Variants in TTC7B observed in about 807,000 individuals in gnomAD.
TTC7B encodes the protein tetratricopeptide repeat domain 7B, also known as tetratricopeptide repeat protein 7B.
A neutral mutation model predicts 106.8 loss-of-function variants in TTC7B; 28 were observed. The observed-to-expected ratio is 0.26, with a 90% CI of 0.19 to 0.36. TTC7B has a LOEUF of 0.36. Ranked by LOEUF, TTC7B falls within the 10% of genes least tolerant of loss-of-function variation. The pLI is 1.00. For missense variants in TTC7B, 862 were observed against 1,076.4 expected (o/e 0.80, Z 2.79); for synonymous variants, 405 against 430.6 (o/e 0.94, Z 0.74).
At chr14:90,552,230 C>G (rs1215074388) in intron 19 of TTC7B, among the ~76,000 whole-genome samples, 1 of 152,244 alleles carries the variant, frequency 6.6e-6, no homozygotes, top group African/African-American at 2.4e-5. Context: ...CACGCTGCCA[C>G]TCACTCAGCC....
chr14:90,647,023 C>T lies in TTC7B; in HGVS notation c.1518G>A (p.Arg506=), dbSNP rs529968558. Reference sequence around the variant, plus strand: ...GATCTGTGGGTGACAGGCTGTGGGCCCTGAAAAAGTATTTACGGCTATTAG... The same window carrying T: ...GATCTGTGGGTGACAGGCTGTGGGCTCTGAAAAAGTATTTACGGCTATTAG... ...LQRKALLAFQ[R]AHSLSPTDHQ... The change falls in exon 14 of 20, where the codon AGG becomes AGA. Residue 506 remains arginine (R), a splice_region_variant and synonymous_variant. Transcript: ENST00000328459. 271 of 1,614,016 alleles carry T rather than the reference C, an allele frequency of 1.7e-4. 3 individuals carry two copies. The South Asian group carries it at 2.8e-3, about 16-fold the overall frequency.
intron 19 of TTC7B, among the ~76,000 whole-genome samples, chr14:90,564,527 T>G (rs1479261616): frequency 1.3e-5 from 2 of 152,188 alleles, no homozygotes. Flanking sequence ...CCATTGAAGC[T>G]TTGTAGCCAG....
intron 1 of TTC7B, among the ~76,000 whole-genome samples, chr14:90,810,581 C>A (rs1344639434): frequency 1.3e-5 from 2 of 152,202 alleles, no homozygotes; most frequent in Non-Finnish European, 2.9e-5. Flanking sequence ...AGTGTATTAG[C>A]CCTTCCTTCA....
intron 19 of TTC7B, among the ~76,000 whole-genome samples, chr14:90,556,916 G>A (rs973536395): frequency 1.3e-5 from 2 of 152,114 alleles, no homozygotes; most frequent in Admixed American, 1.3e-4. Flanking sequence ...GCCAGGGAAC[G>A]GGGGGGACAT....
At chr14:90,615,381 G>A (rs1652477994) in intron 16 of TTC7B, among the ~76,000 whole-genome samples, 1 of 152,206 alleles carries the variant, frequency 6.6e-6, no homozygotes, top group Non-Finnish European at 1.5e-5. Context: ...AGAGCAGGGG[G>A]CCCATTACAA....
intron 5 of TTC7B, among the ~76,000 whole-genome samples, chr14:90,718,162 G>T (rs747018406): frequency 6.6e-6 from 1 of 152,214 alleles, no homozygotes; most frequent in South Asian, 2.1e-4. Context: ...TCTTAAAAAA[G>T]TTCAAGTCTG....
In TTC7B at chr14:90,777,861, C is replaced by G. The variant is rs1332118412; in HGVS notation, c.445+2877G>C. Among the ~76,000 whole-genome samples, 3 of 152,256 alleles carry G rather than the reference C, an allele frequency of 2.0e-5. No homozygotes were observed. In the East Asian group the frequency reaches 5.8e-4, roughly 29 times the overall value. ...CCCTCAGGGCCCACCCAACACTCAGCTTCAGCTGACATTTACGTTGCGCTC... is the reference window on the plus strand; with the variant it reads ...CCCTCAGGGCCCACCCAACACTCAGGTTCAGCTGACATTTACGTTGCGCTC... On this transcript the variant is annotated intron_variant, in intron 3 of 19. Coordinates refer to ENST00000328459, the MANE Select transcript of TTC7B (RefSeq NM_001010854.2).
At chr14:90,648,245 T>C (rs1885556611) in intron 13 of TTC7B, 1 of 152,248 alleles carries the variant, frequency 6.6e-6, no homozygotes, top group African/African-American at 2.4e-5. Context: ...TCCAGGGGAC[T>C]CTTCACTTGG....
At chr14:90,677,904 T>C in intron 8 of TTC7B, 1 of 435,920 alleles carries the variant, frequency 2.3e-6, no homozygotes, top group Non-Finnish European at 4.5e-6. Flanking sequence ...GAGTCATCTC[T>C]TACGGAAACA....
rs142032449 is a variant in TTC7B at position 90,777,601 on chromosome 14, C to T, written c.445+3137G>A. 1.2e-4 allele frequency among the ~76,000 whole-genome samples: 19 copies of T among 152,324 alleles called. No individual in the cohort carries two copies. The East Asian group carries it at 2.3e-3, about 19-fold the overall frequency. On this transcript the variant is annotated intron_variant, in intron 3 of 19. Transcript: ENST00000328459. ...TGACAAAGTGTGCAGGTCAATTGCA[C>T]TGCCTAGAGCAGTGTGCACATAGCC... is the stretch of plus-strand genomic sequence containing the variant.
At chr14:90,652,750 A>G in intron 13 of TTC7B, 91 bp downstream of exon 13, 1 of 1,465,572 alleles carries the variant, frequency 6.8e-7, no homozygotes. Flanking sequence ...AACACTGTTT[A>G]CATAATCTTT....
intron 1 of TTC7B, among the ~76,000 whole-genome samples, chr14:90,799,678 T>C (rs2030124632): frequency 6.6e-6 from 1 of 151,968 alleles, no homozygotes; most frequent in Admixed American, 6.6e-5. Context: ...GGAAAGCCCG[T>C]GTGGCTGGGT....
At chr14:90,741,443 C>T (rs943324192) in intron 4 of TTC7B, among the ~76,000 whole-genome samples, 28 of 152,186 alleles carry the variant, frequency 1.8e-4, no homozygotes, top group Admixed American at 1.8e-3. Flanking sequence ...AGTTTCTTCA[C>T]TACAGAATGG....
intron 7 of TTC7B, among the ~76,000 whole-genome samples, chr14:90,683,420 G>A: frequency 6.6e-6 from 1 of 152,032 alleles, no homozygotes; most frequent in East Asian, 1.9e-4. Flanking sequence ...GTCCCACCCC[G>A]ACCCCAAGTC....
intron 9 of TTC7B, chr14:90,676,153 C>T (rs924464556): frequency 7.7e-5 from 13 of 169,408 alleles, no homozygotes; most frequent in Non-Finnish European, 1.0e-4. Flanking sequence ...AGGCCACTGG[C>T]GATTTCACTG....
intron 19 of TTC7B, among the ~76,000 whole-genome samples, chr14:90,556,069 T>A (rs1890291587): frequency 6.6e-6 from 1 of 152,238 alleles, no homozygotes; most frequent in Non-Finnish European, 1.5e-5. Context: ...CGCCGCGTGG[T>A]GCACTGACCT....
intron 19 of TTC7B, among the ~76,000 whole-genome samples, chr14:90,557,557 A>G (rs978559884): frequency 1.3e-5 from 2 of 152,246 alleles, no homozygotes; most frequent in African/African-American, 4.8e-5. Context: ...GGCAGCAGCC[A>G]ACGCAGCCAG....
chr14:90,781,962 CCTT>C (rs1477098129), intron 2 of TTC7B, among the ~76,000 whole-genome samples: 6 of 152,238 alleles, frequency 3.9e-5, no homozygotes, highest in African/African-American at 1.2e-4. Flanking sequence ...TGTGGCCAGA[CCTT>C]CTCCTCAGAG....
chr14:90,698,564 T>C (rs979148658), intron 5 of TTC7B: 3 of 152,324 alleles, frequency 2.0e-5, no homozygotes, highest in Admixed American at 6.5e-5. Context: ...GAATTCATTA[T>C]GGTAAACTAT....
Sources: gnomAD v4.1 joint callset for allele counts (sites outside exome capture counted in the v4.1 genomes callset) on GRCh38, gnomAD v4.1.1 for gene constraint, MANE v1.5 for transcripts, NCBI Gene and HGNC (gene_info 2026-07-23, HGNC 2026-07-21) for gene names.